The following IQCH variants were observed in gnomAD, a reference collection of about 807,000 sequenced individuals.
IQCH encodes IQ domain-containing protein H.
Under a neutral mutation model 117.0 loss-of-function variants are expected in IQCH, and 98 were observed. The ratio of observed to expected loss-of-function variants is 0.84; its 90% confidence interval spans 0.71 to 0.99. IQCH has a LOEUF of 0.99. Ranked by LOEUF, IQCH falls within the 50% of genes least tolerant of loss-of-function variation. The pLI is 0.00. For synonymous variants in IQCH, 412 were observed against 448.2 expected (o/e 0.92, Z 1.02); for missense variants, 1,102 against 1,243.8 (o/e 0.89, Z 1.72).
rs570535251 is a variant in IQCH, at chr15:67,347,976, A to C, written c.637+3785A>C. ...TATCCTAGGAATGCAAGGCTGTTTC[A>C]ACATTTAAATATCAATCATTGTAAG... On this transcript the variant is annotated intron_variant, in intron 6 of 20. Coordinates refer to ENST00000335894, the MANE Select transcript of IQCH (RefSeq NM_001031715.3). Among the ~76,000 whole-genome samples, 170 of 151,104 alleles carry C rather than the reference A, an allele frequency of 1.1e-3. 1 individual carries two copies. Among genetic ancestry groups the C allele is most frequent in the Middle Eastern group, 7.0e-3 (2 of 286 alleles).
At position 67,463,178 on chromosome 15, in the gene IQCH, GTGA is replaced by G. The variant is rs1385496062; in HGVS notation, c.2506-1948_2506-1946del. ...TTATGTATTTTAACACACAGAGTTG[GTGA>G]GCGGGGTAAATACAGGCCTTCTAGG... is the stretch of plus-strand genomic sequence containing the variant. On this transcript the variant is annotated intron_variant, in intron 16 of 20. Transcript: ENST00000335894. This position sits in a 1 kb window ranked among gnomAD's most constrained non-coding sequence, Gnocchi z 4.0. 6.6e-6 allele frequency among the ~76,000 whole-genome samples: 1 copy of G among 152,182 alleles called. No individual in the cohort carries two copies. The highest frequency in any genetic ancestry group is 1.5e-5 in the Non-Finnish European group (1 of 68,034).
rs549552567 is a variant in IQCH, at chr15:67,387,683, A to G, written c.1457-1148A>G. 2.0e-5 allele frequency among the ~76,000 whole-genome samples: 3 copies of G among 152,182 alleles called. No individual in the cohort carries two copies. Among genetic ancestry groups the G allele is most frequent in the Admixed American group, 6.5e-5 (1 of 15,278 alleles). On this transcript the variant is annotated intron_variant, in intron 11 of 20. Transcript: ENST00000335894. The surrounding 1 kb of genome is among the most constrained non-coding windows in gnomAD (Gnocchi z 4.8). ...CTGTGCTGTTTCTTGAGCACTTACT[A>G]TGTGCCAGATGCTGCACCAGATACT...
intron 10 of IQCH, among the ~76,000 whole-genome samples, chr15:67,374,904 T>C (rs1344007925): frequency 6.6e-6 from 1 of 152,182 alleles, no homozygotes; most frequent in Non-Finnish European, 1.5e-5. Flanking sequence ...CCTGATATTA[T>C]ATGGGAAATT....
chr15:67,287,721 T>C (rs1391673822), intron 4 of IQCH, among the ~76,000 whole-genome samples: 1 of 152,074 alleles, frequency 6.6e-6, no homozygotes, highest in Non-Finnish European at 1.5e-5. Context: ...CATTGATATT[T>C]TGTACTTTAT....
intron 18 of IQCH, among the ~76,000 whole-genome samples, chr15:67,478,223 G>C (rs1596468677): frequency 6.6e-6 from 1 of 151,902 alleles, no homozygotes; most frequent in Middle Eastern, 3.4e-3. Flanking sequence ...CGTCTCTACT[G>C]AAAATACAAA....
In IQCH at chr15:67,487,869, C is replaced by T. The variant is rs1409072745; in HGVS notation, c.2800-2134C>T. Among the ~76,000 whole-genome samples the T allele has an allele frequency of 7.2e-5, 11 of 151,948 alleles. No homozygotes were observed. In the East Asian group the frequency reaches 1.9e-3, roughly 27 times the overall value. ...CAGTGATGGGAAGTTCACAACTTCA[C>T]AGGGCAGGCATTTCCACTGTTGGAC... On this transcript the variant is annotated intron_variant, in intron 18 of 20. Transcript: ENST00000335894.
At chr15:67,347,867 A>G (rs1373625167) in intron 6 of IQCH, among the ~76,000 whole-genome samples, 2 of 147,286 alleles carry the variant, frequency 1.4e-5, no homozygotes, top group African/African-American at 2.5e-5. Flanking sequence ...ATATATCTAT[A>G]TATTTATATA....
At position 67,254,850 on chromosome 15, in the gene IQCH, G is replaced by T. The variant is rs762543048; in HGVS notation, c.-47G>T. 6.3e-7 allele frequency: 1 copy of T among 1,593,578 alleles called. No homozygotes were observed. The highest frequency in any genetic ancestry group is 8.6e-7 in the Non-Finnish European group (1 of 1,166,316). ...AGCGGCTCCGGCTGAAGGTTTCCGT[G>T]CTTGGAAACCGCGCCTCCGCGGAGG... On this transcript the variant is annotated 5_prime_UTR_variant, in exon 1 of 21. Transcript: ENST00000335894.
At chr15:67,332,592 G>A (rs990520791) in intron 4 of IQCH, among the ~76,000 whole-genome samples, 9 of 152,156 alleles carry the variant, frequency 5.9e-5, no homozygotes, top group African/African-American at 2.2e-4. Flanking sequence ...CCATTTATAT[G>A]TAGAGCTAAT....
rs550547459 is a variant in IQCH, at chr15:67,433,044, C to T, written c.2505+11467C>T. ...AGTATATCTAAATTAAAATGTAATACGCCTTTGGTATTAACAGAAGTACCT... is the reference window on the plus strand; with the variant it reads ...AGTATATCTAAATTAAAATGTAATATGCCTTTGGTATTAACAGAAGTACCT... On this transcript the variant is annotated intron_variant, in intron 16 of 20. Transcript: ENST00000335894. The surrounding 1 kb of genome is among the most constrained non-coding windows in gnomAD (Gnocchi z 5.4). Among the ~76,000 whole-genome samples, 7 of 152,206 alleles carry T rather than the reference C, an allele frequency of 4.6e-5. No homozygotes were observed. The highest frequency in any genetic ancestry group is 2.1e-4 in the South Asian group (1 of 4,818).
intron 18 of IQCH, among the ~76,000 whole-genome samples, chr15:67,488,012 G>A (rs4776934): frequency 1.5e-3 from 229 of 152,116 alleles, no homozygotes; most frequent in African/African-American, 5.2e-3. Context: ...ACATGATAAA[G>A]ATTTTATTTA....
chr15:67,367,785 G>A (rs532893164), intron 8 of IQCH, among the ~76,000 whole-genome samples: 3 of 152,072 alleles, frequency 2.0e-5, no homozygotes, highest in Non-Finnish European at 4.4e-5. Context: ...GCTGATGAAA[G>A]GAAATGGAAG....
chr15:67,403,185 G>A lies in IQCH; in HGVS notation c.2097+2880G>A, dbSNP rs1971738362. Among the ~76,000 whole-genome samples the A allele has an allele frequency of 6.6e-6, 1 of 151,180 alleles. No individual in the cohort carries two copies. Among genetic ancestry groups the A allele is most frequent in the Non-Finnish European group, 1.5e-5 (1 of 67,776 alleles). On this transcript the variant is annotated intron_variant, in intron 14 of 20. Transcript: ENST00000335894. This position sits in a 1 kb window ranked among gnomAD's most constrained non-coding sequence, Gnocchi z 4.8. ...GAATTGCTTGAACCCAGGAGACAGA[G>A]GTTGCAGTGAGCCGAGATCACACCA... is the stretch of plus-strand genomic sequence containing the variant.
At chr15:67,282,364 A>C (rs973898584) in intron 4 of IQCH, 4 of 151,818 alleles carry the variant, frequency 2.6e-5, no homozygotes, top group African/African-American at 9.7e-5. Context: ...GAAAAAAAAA[A>C]ACAACTATGG....
chr15:67,329,999 C>T (rs1431845500), intron 4 of IQCH, among the ~76,000 whole-genome samples: 1 of 152,080 alleles, frequency 6.6e-6, no homozygotes, highest in Non-Finnish European at 1.5e-5. Context: ...GGCAGTTCCA[C>T]AATGTCAGGT....
rs998737261 is a variant in IQCH at position 67,466,733 on chromosome 15, G to A, written c.2676+1436G>A. 1 of 152,280 alleles carries A rather than the reference G, an allele frequency of 6.6e-6. No homozygotes were observed. The highest frequency in any genetic ancestry group is 2.4e-5 in the African/African-American group (1 of 41,454). The allele number at this position is 152,280 out of a possible 1,614,324, so 9.4% of individuals were successfully genotyped here. On this transcript the variant is annotated intron_variant, in intron 17 of 20. Coordinates refer to ENST00000335894, the MANE Select transcript of IQCH (RefSeq NM_001031715.3). The surrounding 1 kb of genome is among the most constrained non-coding windows in gnomAD (Gnocchi z 4.4). ...TTTCCTTAGTAAGAAGAGAAGCAGA[G>A]TTGAGCTGGAGAGGAGAAACAGACC...
At chr15:67,374,707 G>T (rs1230714052) in intron 10 of IQCH, among the ~76,000 whole-genome samples, 1 of 152,132 alleles carries the variant, frequency 6.6e-6, no homozygotes, top group African/African-American at 2.4e-5. Flanking sequence ...TATAGGATCT[G>T]AATTTCATTC....
chr15:67,300,458 C>CA, intron 4 of IQCH, among the ~76,000 whole-genome samples: 1 of 152,294 alleles, frequency 6.6e-6, no homozygotes, highest in South Asian at 2.1e-4. Flanking sequence ...TATTGTTCTT[C>CA]ATATTACCTA....
intron 3 of IQCH, among the ~76,000 whole-genome samples, chr15:67,270,833 CAG>C (rs1965865692): frequency 6.6e-6 from 1 of 152,190 alleles, no homozygotes; most frequent in Non-Finnish European, 1.5e-5. Context: ...GCAACACAAA[CAG>C]AATAAGACAA....
Sources: allele counts gnomAD v4.1 joint callset (sites outside exome capture counted in the v4.1 genomes callset), GRCh38; gene constraint gnomAD v4.1.1; non-coding constraint Gnocchi (gnomAD v3.1); transcripts MANE v1.5; gene names NCBI Gene and HGNC (gene_info 2026-07-23, HGNC 2026-07-21).